PCDHGB1: variants seen among roughly 807,000 people sequenced by gnomAD.
The protein encoded by PCDHGB1 is protocadherin gamma-B1.
A neutral mutation model predicts 56.6 loss-of-function variants in PCDHGB1; 34 were observed. The ratio of observed to expected loss-of-function variants is 0.60; its 90% CI spans 0.46 to 0.80. PCDHGB1 has a LOEUF of 0.80. Ranked by LOEUF, PCDHGB1 falls within the 30% of genes least tolerant of loss-of-function variation. The pLI is 0.00. For missense variants in PCDHGB1, 1,278 were observed against 1,204.6 expected, an observed-to-expected ratio of 1.06 and a Z score of -0.90; for synonymous variants, 561 against 505.9, an observed-to-expected ratio of 1.11 and a Z score of -1.46.
intron 1 of PCDHGB1, chr5:141,414,700 A>G (rs886960965): frequency 6.2e-7 from 1 of 1,613,994 alleles, no homozygotes. Context: ...GTCCTCATAC[A>G]TATCCATCAA....
chr5:141,371,937 T>C, intron 1 of PCDHGB1: 1 of 1,613,290 alleles, frequency 6.2e-7, no homozygotes. Flanking sequence ...CGGGGTGGTG[T>C]TCGCGCAGCG....
Position 141,375,092 on chromosome 5 carries a change from A to G in PCDHGB1, c.2409+22423A>G, listed in dbSNP as rs775722663. On this transcript the variant is annotated intron_variant, in intron 1 of 3. Coordinates refer to ENST00000523390, the MANE Select transcript of PCDHGB1 (RefSeq NM_018922.3). ...AGACAGAGCGAAAGTCTTAATAACT[A>G]TCTTGGATGTCAATGATAATGTACC... 20 of 1,613,866 alleles carry G rather than the reference A, an allele frequency of 1.2e-5. No individual in the cohort carries two copies. In the Middle Eastern group the frequency reaches 6.6e-4, roughly 53 times the overall value.
At chr5:141,359,119 G>T (rs1761122715) in intron 1 of PCDHGB1, among the ~76,000 whole-genome samples, 1 of 152,182 alleles carries the variant, frequency 6.6e-6, no homozygotes, top group Non-Finnish European at 1.5e-5. Flanking sequence ...GAAAGTTGTG[G>T]TGCAATACAT....
At chr5:141,394,923 T>G in intron 1 of PCDHGB1, 2 of 1,613,816 alleles carry the variant, frequency 1.2e-6, no homozygotes, top group Non-Finnish European at 8.5e-7. Context: ...CTCCTGTGTC[T>G]TCCTCGCCTT....
At chr5:141,403,838 GA>G (rs751575888) in intron 1 of PCDHGB1, 1 of 1,613,592 alleles carries the variant, frequency 6.2e-7, no homozygotes, top group African/African-American at 1.3e-5. Context: ...CCAGCTTAAT[GA>G]AAATACTGGG....
Position 141,489,351 on chromosome 5 carries a change from G to A in PCDHGB1, c.2410-5456G>A, listed in dbSNP as rs2099685862. ...GGCAGCTTCGTTACTCAGTGGTGGAGGAGTCTGAGCCGGGGACGCTGGTGG... is the reference window on the plus strand; with the variant it reads ...GGCAGCTTCGTTACTCAGTGGTGGAAGAGTCTGAGCCGGGGACGCTGGTGG... On this transcript the variant is annotated intron_variant, in intron 1 of 3. Transcript: ENST00000523390. This position sits in a 1 kb window ranked among gnomAD's most constrained non-coding sequence, Gnocchi z 4.5. The A allele has an allele frequency of 6.2e-7, 1 of 1,612,202 alleles. No individual in the cohort carries two copies. The highest frequency in any genetic ancestry group is 1.3e-5 in the African/African-American group (1 of 75,006).
intron 1 of PCDHGB1, among the ~76,000 whole-genome samples, chr5:141,444,229 T>G (rs957213677): frequency 4.6e-5 from 6 of 130,226 alleles, no homozygotes; most frequent in Admixed American, 9.4e-5. Context: ...TGGAGTGCAA[T>G]GGCATGCTCT....
At chr5:141,495,697 A>G (rs1010733016) in intron 2 of PCDHGB1, among the ~76,000 whole-genome samples, 1 of 152,086 alleles carries the variant, frequency 6.6e-6, no homozygotes, top group Non-Finnish European at 1.5e-5. Flanking sequence ...AGTGCTCAAT[A>G]AATGTGGAGT....
intron 1 of PCDHGB1, chr5:141,366,183 C>T (rs1265107316): frequency 6.2e-7 from 1 of 1,613,986 alleles, no homozygotes; most frequent in South Asian, 1.1e-5. Context: ...GGACTCTTTG[C>T]GGTTGGGCTG....
At chr5:141,383,101 T>G (rs1561594429) in intron 1 of PCDHGB1, 2 of 1,613,954 alleles carry the variant, frequency 1.2e-6, no homozygotes, top group Non-Finnish European at 1.7e-6. Flanking sequence ...CCGCATCATC[T>G]CCAGAGGTAG....
intron 1 of PCDHGB1, chr5:141,427,227 A>G (rs111948686): frequency 8.8e-6 from 4 of 456,798 alleles, no homozygotes; most frequent in African/African-American, 4.0e-5. Flanking sequence ...CAGTTATACC[A>G]TGAGAGTAGA....
intron 1 of PCDHGB1, chr5:141,393,614 C>G: frequency 6.2e-7 from 1 of 1,613,778 alleles, no homozygotes; most frequent in Non-Finnish European, 8.5e-7. Context: ...TAACAGCCAG[C>G]GACCCGGATG....
At chr5:141,357,037 G>A (rs750879556) in intron 1 of PCDHGB1, 42 of 1,613,924 alleles carry the variant, frequency 2.6e-5, no homozygotes, top group Non-Finnish European at 3.2e-5. Context: ...CAAGTCCAGC[G>A]AGCCGGGACT....
At chr5:141,419,939 G>T in intron 1 of PCDHGB1, 1 of 1,614,054 alleles carries the variant, frequency 6.2e-7, no homozygotes. Flanking sequence ...TTACCTGGTG[G>T]TGGCCTTGGC....
At chr5:141,415,524 C>G in intron 1 of PCDHGB1, 1 of 1,614,154 alleles carries the variant, frequency 6.2e-7, no homozygotes, top group Non-Finnish European at 8.5e-7. Context: ...CGGACACGCT[C>G]ATCAGCCAGG....
chr5:141,395,248 T>G lies in PCDHGB1; in HGVS notation c.2409+42579T>G, dbSNP rs1300416039. The G allele has an allele frequency of 4.5e-6, 7 of 1,561,360 alleles. No individual in the cohort carries two copies. In the Admixed American group the frequency reaches 1.4e-4, roughly 31 times the overall value. On this transcript the variant is annotated intron_variant, in intron 1 of 3. Transcript: ENST00000523390. ...GCTGATCATGGTCAGGTGAGTTTAG[T>G]TCTTTGCTTGCTTTTAATTTCCAGA...
intron 1 of PCDHGB1, chr5:141,415,357 C>T: frequency 6.2e-7 from 1 of 1,614,250 alleles, no homozygotes; most frequent in Non-Finnish European, 8.5e-7. Context: ...CAAGTCACGC[C>T]TGCTGCAGGC....
intron 1 of PCDHGB1, chr5:141,441,834 C>T (rs370689467): frequency 2.6e-5 from 9 of 352,638 alleles, no homozygotes; most frequent in Non-Finnish European, 3.9e-5. Flanking sequence ...GCAATGGCTT[C>T]GCGCTCTTGG....
intron 1 of PCDHGB1, chr5:141,428,082 G>T (rs776612130): frequency 1.2e-6 from 2 of 1,609,030 alleles, no homozygotes; most frequent in South Asian, 2.2e-5. Flanking sequence ...GGGACACAAC[G>T]CTTGGCTGTC....
Sources: gnomAD v4.1 joint callset for allele counts (sites outside exome capture counted in the v4.1 genomes callset) on GRCh38, gnomAD v4.1.1 for gene constraint, Gnocchi (gnomAD v3.1) non-coding constraint, MANE v1.5 for transcripts, NCBI Gene and HGNC (gene_info 2026-07-23, HGNC 2026-07-21) for gene names.